The following ZNF385D variants were observed in gnomAD, a reference collection of about 807,000 sequenced individuals.
ZNF385D encodes the protein zinc finger protein 659.
A neutral mutation model predicts 35.8 loss-of-function variants in ZNF385D; 15 were observed. The ratio of observed to expected loss-of-function variants is 0.42; its 90% CI spans 0.28 to 0.64. ZNF385D has a LOEUF of 0.64. ZNF385D is among the 30% of genes least tolerant of loss of function. The pLI is 0.23. For missense variants in ZNF385D, 474 were observed against 494.6 expected, an observed-to-expected ratio of 0.96 and a Z score of 0.39; for synonymous variants, 212 against 186.8, an observed-to-expected ratio of 1.13 and a Z score of -1.10.
chr3:22,008,978 T>A (rs1497935), intron 3 of ZNF385D, among the ~76,000 whole-genome samples: 124,286 of 152,136 alleles, frequency 0.82, 51,918 homozygotes, highest in African/African-American at 0.95. Context: ...AAGAAAATTA[T>A]AAAACAAAAC....
chr3:22,102,727 A>G (rs953458342), intron 3 of ZNF385D, among the ~76,000 whole-genome samples: 1 of 152,100 alleles, frequency 6.6e-6, no homozygotes, highest in Non-Finnish European at 1.5e-5. Context: ...CTGATCTTCA[A>G]TATCCCCACT....
chr3:21,474,262 TC>T (rs1297503765), intron 4 of ZNF385D, among the ~76,000 whole-genome samples: 1 of 152,070 alleles, frequency 6.6e-6, no homozygotes, highest in Non-Finnish European at 1.5e-5. Flanking sequence ...AGGAGAAGTT[TC>T]CCCAGACTAC....
chr3:21,681,186 T>G (rs1023869191), intron 1 of ZNF385D, among the ~76,000 whole-genome samples: 2 of 150,674 alleles, frequency 1.3e-5, no homozygotes, highest in Non-Finnish European at 2.9e-5. Flanking sequence ...GACATCTAAG[T>G]CCTTCCCTGA....
chr3:22,306,644 G>T (rs2125420311), intron 2 of ZNF385D, among the ~76,000 whole-genome samples: 1 of 152,158 alleles, frequency 6.6e-6, no homozygotes, highest in Non-Finnish European at 1.5e-5. Flanking sequence ...GAATGAGAGG[G>T]AAATACTCGC....
At position 21,439,255 on chromosome 3, in the gene ZNF385D, C is replaced by T. The variant is rs368749942; in HGVS notation, c.440-2052G>A. Among the ~76,000 whole-genome samples, 93 of 146,058 alleles carry T rather than the reference C, an allele frequency of 6.4e-4. 1 individual carries two copies. The highest frequency in any genetic ancestry group is 1.5e-3 in the Admixed American group (21 of 14,440). On this transcript the variant is annotated intron_variant, in intron 4 of 7. Transcript: ENST00000281523. Reference sequence around the variant, plus strand: ...ACACAAAAGTAGTATATTGTGAGCCCGAGCCAAGCATTTCATGGAACAAGA... The same window carrying T: ...ACACAAAAGTAGTATATTGTGAGCCTGAGCCAAGCATTTCATGGAACAAGA...
chr3:22,003,463 AT>A (rs2125419069), intron 3 of ZNF385D, among the ~76,000 whole-genome samples: 1 of 152,326 alleles, frequency 6.6e-6, no homozygotes, highest in South Asian at 2.1e-4. Context: ...ATGCTCATGG[AT>A]TGGTAGAATT....
At chr3:21,894,229 T>C (rs916639698) in intron 3 of ZNF385D, among the ~76,000 whole-genome samples, 1 of 152,140 alleles carries the variant, frequency 6.6e-6, no homozygotes, top group Admixed American at 6.5e-5. Context: ...ATAATTAAAG[T>C]TAAACAAATT....
intron 1 of ZNF385D, among the ~76,000 whole-genome samples, chr3:21,704,112 T>C (rs943660409): frequency 6.6e-6 from 1 of 152,174 alleles, no homozygotes; most frequent in African/African-American, 2.4e-5. Context: ...AAAACACATA[T>C]TTGGAAGTTA....
At position 22,021,663 on chromosome 3, in the gene ZNF385D, T is replaced by A. The variant is rs767592655; in HGVS notation, c.325+147154A>T. ...TCAATACAAGTTGAAGCAGAAAAAATTTTTTTGAGAAGCTCAAATCAACTA... is the reference window on the plus strand; with the variant it reads ...TCAATACAAGTTGAAGCAGAAAAAAATTTTTTGAGAAGCTCAAATCAACTA... On this transcript the variant is annotated intron_variant, in intron 3 of 5. Transcript: ENST00000494108. 1.9e-3 allele frequency among the ~76,000 whole-genome samples: 293 copies of A among 152,052 alleles called. 1 individual carries two copies. Among genetic ancestry groups the A allele is most frequent in the Non-Finnish European group, 3.0e-3 (205 of 67,938 alleles).
chr3:21,578,025 G>C (rs2063544912), intron 2 of ZNF385D, among the ~76,000 whole-genome samples: 1 of 151,812 alleles, frequency 6.6e-6, no homozygotes, highest in South Asian at 2.1e-4. Flanking sequence ...ACGTTGCCCA[G>C]GATGACCTCA....
chr3:22,282,213 C>G (rs1342064911), intron 2 of ZNF385D, among the ~76,000 whole-genome samples: 2 of 151,686 alleles, frequency 1.3e-5, no homozygotes, highest in African/African-American at 2.4e-5. Flanking sequence ...TTTCATTTAT[C>G]TGTTGTACTG....
At chr3:21,855,910 G>T (rs778728453) in intron 3 of ZNF385D, among the ~76,000 whole-genome samples, 5 of 151,798 alleles carry the variant, frequency 3.3e-5, no homozygotes, top group Non-Finnish European at 5.9e-5. Flanking sequence ...TTTAGAGGTG[G>T]TAGCTAATAA....
chr3:21,764,374 T>C (rs1559599119), intron 3 of ZNF385D, among the ~76,000 whole-genome samples: 1 of 152,166 alleles, frequency 6.6e-6, no homozygotes. Flanking sequence ...ATGGGCCTCA[T>C]AGTTATGGAT....
In ZNF385D at chr3:22,098,364, A is replaced by G. The variant is rs1209177635; in HGVS notation, c.325+70453T>C. On this transcript the variant is annotated intron_variant, in intron 3 of 5. Coordinates refer to the ZNF385D transcript ENST00000494108. Reference sequence around the variant, plus strand: ...CTTTAAGTGTATGAGTCATCATTTAATGAACACAATTTTTTTCAAATATTT... The same window carrying G: ...CTTTAAGTGTATGAGTCATCATTTAGTGAACACAATTTTTTTCAAATATTT... Among the ~76,000 whole-genome samples, 4 of 152,220 alleles carry G rather than the reference A, an allele frequency of 2.6e-5. No homozygotes were observed. In the East Asian group the frequency reaches 7.7e-4, roughly 29 times the overall value.
intron 3 of ZNF385D, among the ~76,000 whole-genome samples, chr3:21,883,663 C>T (rs764003735): frequency 6.6e-6 from 1 of 151,930 alleles, no homozygotes; most frequent in African/African-American, 2.4e-5. Context: ...TGTTGATGCA[C>T]GATGCTGCCT....
chr3:21,608,021 T>G (rs1466001457), intron 2 of ZNF385D, among the ~76,000 whole-genome samples: 1 of 143,060 alleles, frequency 7.0e-6, no homozygotes, highest in Non-Finnish European at 1.5e-5. Context: ...TCTTTTTTTT[T>G]TGTTTTTTTT....
At chr3:21,691,721 G>A (rs532551737) in intron 1 of ZNF385D, among the ~76,000 whole-genome samples, 18 of 152,220 alleles carry the variant, frequency 1.2e-4, no homozygotes, top group African/African-American at 3.4e-4. Flanking sequence ...GTGATAACAT[G>A]TTTACATAAA....
intron 1 of ZNF385D, among the ~76,000 whole-genome samples, chr3:21,742,055 T>A (rs1173074109): frequency 2.0e-5 from 3 of 148,090 alleles, no homozygotes; most frequent in Non-Finnish European, 3.0e-5. Context: ...TCCAAGTTGT[T>A]ATTTTTCAAA....
intron 5 of ZNF385D, among the ~76,000 whole-genome samples, chr3:21,427,424 T>C (rs1405352621): frequency 6.6e-6 from 1 of 152,196 alleles, no homozygotes; most frequent in African/African-American, 2.4e-5. Flanking sequence ...TTGGTTAATA[T>C]CATCTGTGAT....
Sources: allele counts gnomAD v4.1 joint callset (sites outside exome capture counted in the v4.1 genomes callset), GRCh38; gene constraint gnomAD v4.1.1; transcripts MANE v1.5; gene names NCBI Gene and HGNC (gene_info 2026-07-23, HGNC 2026-07-21).